Variants in THSD7B observed in about 807,000 individuals in gnomAD.
THSD7B encodes the protein thrombospondin type 1 domain containing 7B.
In THSD7B, 138 loss-of-function variants were observed where a neutral mutation model predicts 213.6. That is an observed-to-expected ratio of 0.65 (90% CI 0.56 to 0.74). The LOEUF is 0.74. THSD7B is among the 30% of genes least tolerant of loss of function. The pLI is 0.00. For synonymous variants in THSD7B, 742 were observed against 687.0 expected (o/e 1.08, Z -1.25); for missense variants, 1,931 against 1,991.5 (o/e 0.97, Z 0.58).
chr2:137,533,467 T>G (rs1680439985), intron 15 of THSD7B, among the ~76,000 whole-genome samples: 1 of 151,920 alleles, frequency 6.6e-6, no homozygotes, highest in South Asian at 2.1e-4. Context: ...TTAAAAAAAC[T>G]TCAACTATTC....
Position 137,215,459 on chromosome 2 carries a change from T to C in THSD7B, c.1724-15585T>C, listed in dbSNP as rs367878295. ...TAATCAATTCTCCCTAGGGGAGGAG[T>C]CATTGAAATAAGTGATTCTGAAATG... On this transcript the variant is annotated intron_variant, in intron 7 of 27. Coordinates refer to ENST00000409968, the MANE Select transcript of THSD7B (RefSeq NM_001316349.2). 6.9e-4 allele frequency among the ~76,000 whole-genome samples: 105 copies of C among 151,996 alleles called. 2 individuals carry two copies. In the East Asian group the frequency reaches 0.018, roughly 26 times the overall value.
chr2:136,876,236 T>A (rs1158816362), intron 1 of THSD7B, among the ~76,000 whole-genome samples: 1 of 152,244 alleles, frequency 6.6e-6, no homozygotes, highest in Non-Finnish European at 1.5e-5. Flanking sequence ...TGACATGGCA[T>A]TGACTTTGAT....
At chr2:136,975,823 A>G (rs573270361) in intron 2 of THSD7B, among the ~76,000 whole-genome samples, 3 of 152,084 alleles carry the variant, frequency 2.0e-5, no homozygotes, top group Non-Finnish European at 2.9e-5. Context: ...CATGAGCATA[A>G]AATGCTTTTT....
At chr2:137,653,089 C>T (rs922308685) in intron 21 of THSD7B, among the ~76,000 whole-genome samples, 3 of 150,418 alleles carry the variant, frequency 2.0e-5, no homozygotes, top group African/African-American at 7.4e-5. Context: ...CTGAAGAACC[C>T]CCTTTAGCAT....
intron 5 of THSD7B, among the ~76,000 whole-genome samples, chr2:137,132,252 G>A (rs966827178): frequency 1.3e-5 from 2 of 151,346 alleles, no homozygotes; most frequent in African/African-American, 4.8e-5. Context: ...CTTTGCTGAA[G>A]TTGCTTATCA....
chr2:137,141,143 G>T lies in THSD7B; in HGVS notation c.1370-19070G>T, dbSNP rs554147541. ...AGGCAGGAGGGGAGTCTGAGAGCTG[G>T]TCCCTTACCAGGGCCAGATGATTCT... On this transcript the variant is annotated intron_variant, in intron 5 of 27. Transcript: ENST00000409968. Among the ~76,000 whole-genome samples, 11 of 152,188 alleles carry T rather than the reference G, an allele frequency of 7.2e-5. No individual in the cohort carries two copies. The East Asian group carries it at 1.9e-3, about 27-fold the overall frequency.
At chr2:136,828,784 G>T (rs1399969636) in intron 1 of THSD7B, among the ~76,000 whole-genome samples, 1 of 152,148 alleles carries the variant, frequency 6.6e-6, no homozygotes, top group Non-Finnish European at 1.5e-5. Flanking sequence ...TTTAGTATGA[G>T]GGTCACTTCT....
chr2:137,427,471 T>C (rs1280471849), intron 14 of THSD7B, among the ~76,000 whole-genome samples: 1 of 151,942 alleles, frequency 6.6e-6, no homozygotes, highest in Non-Finnish European at 1.5e-5. Flanking sequence ...CTTGTGTGTC[T>C]GTGTGTGTGC....
intron 15 of THSD7B, among the ~76,000 whole-genome samples, chr2:137,506,414 C>G (rs925184082): frequency 6.6e-6 from 1 of 152,156 alleles, no homozygotes; most frequent in Non-Finnish European, 1.5e-5. Context: ...GATTCTTTAA[C>G]GTTCCTGAAT....
At chr2:137,005,225 A>G (rs1686080567) in intron 2 of THSD7B, among the ~76,000 whole-genome samples, 2 of 152,204 alleles carry the variant, frequency 1.3e-5, no homozygotes, top group African/African-American at 2.4e-5. Context: ...TTTACCAATA[A>G]TTTTCTTCTT....
intron 5 of THSD7B, among the ~76,000 whole-genome samples, chr2:137,126,379 G>T (rs1688628485): frequency 6.6e-6 from 1 of 152,046 alleles, no homozygotes; most frequent in African/African-American, 2.4e-5. Flanking sequence ...GCTTCACTTT[G>T]CACCTTTTTG....
chr2:137,604,349 T>C (rs1047575371), intron 17 of THSD7B, among the ~76,000 whole-genome samples: 2 of 152,224 alleles, frequency 1.3e-5, no homozygotes, highest in Non-Finnish European at 2.9e-5. Context: ...TTCGTTATTA[T>C]GATGGCTATT....
intron 1 of THSD7B, among the ~76,000 whole-genome samples, chr2:136,861,284 G>A (rs911032736): frequency 6.6e-6 from 1 of 152,194 alleles, no homozygotes; most frequent in African/African-American, 2.4e-5. Flanking sequence ...CTTCTATAAT[G>A]ATTTCTCCCA....
chr2:136,778,878 C>G (rs1252018343), intron 1 of THSD7B, among the ~76,000 whole-genome samples: 4 of 152,060 alleles, frequency 2.6e-5, no homozygotes, highest in Non-Finnish European at 5.9e-5. Flanking sequence ...TAAGTCAGCT[C>G]TAAGGTAAGG....
intron 12 of THSD7B, among the ~76,000 whole-genome samples, chr2:137,398,720 T>C (rs1686267425): frequency 6.6e-6 from 1 of 152,212 alleles, no homozygotes; most frequent in Non-Finnish European, 1.5e-5. Flanking sequence ...CTGCTTTGTT[T>C]ACCTAATCAA....
intron 12 of THSD7B, among the ~76,000 whole-genome samples, chr2:137,398,787 C>G (rs1686272051): frequency 6.6e-6 from 1 of 152,222 alleles, no homozygotes. Context: ...GCAGTTTGAT[C>G]TCAGACTGCT....
chr2:137,294,449 G>T (rs1403914182), intron 12 of THSD7B, among the ~76,000 whole-genome samples: 1 of 151,792 alleles, frequency 6.6e-6, no homozygotes, highest in East Asian at 1.9e-4. Flanking sequence ...TGGACGTGGT[G>T]GTGAGTGCCT....
At chr2:137,026,252 C>T (rs1400471869) in intron 2 of THSD7B, among the ~76,000 whole-genome samples, 1 of 152,142 alleles carries the variant, frequency 6.6e-6, no homozygotes, top group Admixed American at 6.6e-5. Context: ...TCTGCTTTTC[C>T]AGTGGAGAAA....
At chr2:137,135,849 T>TAAA (rs141584301) in intron 5 of THSD7B, among the ~76,000 whole-genome samples, 5 of 149,118 alleles carry the variant, frequency 3.4e-5, no homozygotes, top group Admixed American at 2.0e-4. Flanking sequence ...TATGCTACAC[T>TAAA]AAAAAAAAAA....
Sources: gnomAD v4.1 joint callset for allele counts (sites outside exome capture counted in the v4.1 genomes callset) on GRCh38, gnomAD v4.1.1 for gene constraint, MANE v1.5 for transcripts, NCBI Gene and HGNC (gene_info 2026-07-23, HGNC 2026-07-21) for gene names.